ENAH: variants seen among roughly 807,000 people sequenced by gnomAD.
ENAH encodes ENAH actin regulator.
A neutral mutation model predicts 78.7 loss-of-function variants in ENAH; 23 were observed. That is an observed-to-expected ratio of 0.29 (90% CI 0.21 to 0.41). ENAH has a LOEUF of 0.41. Among genes scored for constraint, ENAH ranks in the 10% least tolerant of loss-of-function variants. The pLI is 1.00. For synonymous variants in ENAH, 226 were observed against 241.0 expected (o/e 0.94, Z 0.58); for missense variants, 544 against 691.0 (o/e 0.79, Z 2.39).
At chr1:225,623,850 A>G (rs956120445) in intron 1 of ENAH, among the ~76,000 whole-genome samples, 2 of 152,028 alleles carry the variant, frequency 1.3e-5, no homozygotes, top group East Asian at 3.9e-4. Context: ...CGGCCTCCCA[A>G]AGTGCTGGGA....
At position 225,519,269 on chromosome 1, in the gene ENAH, T is replaced by C. The variant is rs2096446828; in HGVS notation, c.731A>G (p.Glu244Gly). The C allele has an allele frequency of 6.2e-7, 1 of 1,614,028 alleles. No individual in the cohort carries two copies. The highest frequency in any genetic ancestry group is 1.1e-5 in the South Asian group (1 of 91,084). Residue 244 changes from glutamate to glycine, a missense_variant, in exon 5 of 14, where the codon GAA (glutamate) becomes GGA (glycine). Transcript: ENST00000366843. ...TTCTAACTGCTCTTGTCGCTCCCTT[T>C]CTTGCCTCTCCCGTTCCAGTCTCTC... ...RLERLERERQ[E>G]RERQEQLERE... is the part of the protein sequence containing the mutation.
intron 2 of ENAH, among the ~76,000 whole-genome samples, chr1:225,555,723 G>A (rs1187496938): frequency 6.6e-6 from 1 of 152,086 alleles, no homozygotes; most frequent in East Asian, 1.9e-4. Context: ...CATGAAGTCA[G>A]TACCCTGATT....
intron 1 of ENAH, among the ~76,000 whole-genome samples, chr1:225,628,647 A>G (rs914353346): frequency 1.3e-5 from 2 of 152,224 alleles, no homozygotes; most frequent in African/African-American, 4.8e-5. Context: ...ACAGTGGCTC[A>G]CGCCTGGAAT....
chr1:225,539,056 C>T (rs755278291), intron 3 of ENAH, among the ~76,000 whole-genome samples: 1 of 152,202 alleles, frequency 6.6e-6, no homozygotes, highest in African/African-American at 2.4e-5. Context: ...TGGCAGAATG[C>T]TACTTTAACA....
chr1:225,544,385 T>C (rs1406173507), intron 3 of ENAH, among the ~76,000 whole-genome samples: 5 of 152,138 alleles, frequency 3.3e-5, no homozygotes, highest in Admixed American at 2.6e-4. Context: ...TATTGTAAAA[T>C]AAGCCTGGAA....
rs960759690 is a variant in ENAH, at chr1:225,489,078, A to G, written c.*8697T>C. On this transcript the variant is annotated 3_prime_UTR_variant, in exon 14 of 14. Coordinates refer to ENST00000366843, the MANE Select transcript of ENAH (RefSeq NM_018212.6). ...CAGCACAGCAGGTTCAGATGATATG[A>G]AAACCACTGAATTCTGCCCAGGAAT... 5.3e-5 allele frequency: 8 copies of G among 152,350 alleles called. No individual in the cohort carries two copies. The highest frequency in any genetic ancestry group is 1.7e-4 in the African/African-American group (7 of 41,574). 9.4% of individuals were successfully genotyped at this position (152,350 alleles called of 1,614,324 possible). A position where few individuals can be genotyped will look rare whatever the true frequency, so the allele number is the denominator to read the frequency against.
intron 1 of ENAH, among the ~76,000 whole-genome samples, chr1:225,614,557 T>G (rs1045541384): frequency 6.6e-6 from 1 of 152,140 alleles, no homozygotes; most frequent in Non-Finnish European, 1.5e-5. Context: ...AGAGGCTTCA[T>G]TATGTAGACA....
chr1:225,498,279 C>A, intron 13 of ENAH, 68 bp downstream of exon 13: 1 of 1,297,110 alleles, frequency 7.7e-7, no homozygotes, highest in Non-Finnish European at 1.1e-6. Context: ...TCCTTATTTG[C>A]ATTTTCTTAA....
At chr1:225,530,093 A>C (rs1307560586) in intron 4 of ENAH, among the ~76,000 whole-genome samples, 1 of 152,218 alleles carries the variant, frequency 6.6e-6, no homozygotes, top group African/African-American at 2.4e-5. Context: ...GTCATGGAAG[A>C]ATGCTGCCCA....
intron 3 of ENAH, among the ~76,000 whole-genome samples, chr1:225,552,956 G>T (rs2096648425): frequency 6.6e-6 from 1 of 152,188 alleles, no homozygotes; most frequent in African/African-American, 2.4e-5. Flanking sequence ...AAAAAAGGCT[G>T]TGCACGGTGG....
chr1:225,561,547 G>C (rs138911781), intron 2 of ENAH, among the ~76,000 whole-genome samples: 308 of 150,084 alleles, frequency 2.1e-3, no homozygotes, highest in African/African-American at 7.2e-3. Flanking sequence ...ACTTGAACCA[G>C]GGAGTTGAAG....
intron 1 of ENAH, among the ~76,000 whole-genome samples, chr1:225,650,494 C>T (rs951769963): frequency 1.3e-5 from 2 of 152,164 alleles, no homozygotes; most frequent in African/African-American, 2.4e-5. Flanking sequence ...ATACCCAAAA[C>T]GGTAACTTTT....
chr1:225,526,056 A>C (rs1307921339), intron 4 of ENAH, among the ~76,000 whole-genome samples: 1 of 152,186 alleles, frequency 6.6e-6, no homozygotes, highest in Non-Finnish European at 1.5e-5. Flanking sequence ...CAAATGACAC[A>C]GATGGCCCTT....
intron 2 of ENAH, among the ~76,000 whole-genome samples, chr1:225,561,368 A>G (rs2096704606): frequency 6.6e-6 from 1 of 152,086 alleles, no homozygotes; most frequent in Non-Finnish European, 1.5e-5. Context: ...TTACGCCTGT[A>G]ATCCCAGCAC....
At chr1:225,530,748 TTC>T (rs2096533791) in intron 3 of ENAH, 110 bp from the exon 4 acceptor site, 1 of 843,242 alleles carries the variant, frequency 1.2e-6, no homozygotes, top group African/African-American at 1.7e-5. Flanking sequence ...CAAACGTGTC[TTC>T]TTTTTGTCTA....
At chr1:225,565,975 A>C (rs373411652) in intron 2 of ENAH, among the ~76,000 whole-genome samples, 1 of 152,202 alleles carries the variant, frequency 6.6e-6, no homozygotes, top group Admixed American at 6.5e-5. Context: ...AATTCAGAGA[A>C]TTGCTCTTTC....
At chr1:225,528,867 A>ACT (rs1438459568) in intron 4 of ENAH, among the ~76,000 whole-genome samples, 1 of 151,780 alleles carries the variant, frequency 6.6e-6, no homozygotes, top group Non-Finnish European at 1.5e-5. Context: ...ATTGATGGCA[A>ACT]CTCCATCCTT....
chr1:225,514,469 A>T (rs1036190742), intron 7 of ENAH, 127 bp downstream of exon 7: 7 of 887,528 alleles, frequency 7.9e-6, no homozygotes, highest in Non-Finnish European at 8.9e-6. Context: ...GCCAGGGTAA[A>T]TTATTTCAAT....
intron 11 of ENAH, 54 bp from the exon 12 acceptor site, chr1:225,501,124 G>C (rs771039850): frequency 5.8e-5 from 79 of 1,354,170 alleles, no homozygotes; most frequent in Non-Finnish European, 7.6e-5. Context: ...TACTTAATGA[G>C]TTCATAAATA....
Sources: gnomAD v4.1 joint callset for allele counts (sites outside exome capture counted in the v4.1 genomes callset) on GRCh38, gnomAD v4.1.1 for gene constraint, MANE v1.5 for transcripts, NCBI Gene and HGNC (gene_info 2026-07-23, HGNC 2026-07-21) for gene names.